The following AFF1 variants were observed in gnomAD, a reference collection of about 807,000 sequenced individuals.
AFF1 encodes the protein ALF transcription elongation factor 1.
A neutral mutation model predicts 121.7 loss-of-function variants in AFF1; 48 were observed. That is an observed-to-expected ratio of 0.39 (90% CI 0.31 to 0.50). The LOEUF is 0.50. AFF1 is among the 20% of genes least tolerant of loss of function. AFF1 has a pLI of 0.76. For missense variants in AFF1, 1,523 were observed against 1,511.7 expected, an observed-to-expected ratio of 1.01 and a Z score of -0.12; for synonymous variants, 613 against 563.0, an observed-to-expected ratio of 1.09 and a Z score of -1.26.
intron 2 of AFF1, among the ~76,000 whole-genome samples, chr4:87,037,181 T>C (rs907792032): frequency 2.6e-5 from 4 of 152,234 alleles, no homozygotes; most frequent in African/African-American, 9.6e-5. Flanking sequence ...TTTTAGTTTT[T>C]AATCAGAACT....
At chr4:87,045,304 T>C (rs1730563574) in intron 2 of AFF1, among the ~76,000 whole-genome samples, 1 of 152,206 alleles carries the variant, frequency 6.6e-6, no homozygotes. Flanking sequence ...TTTATAGTTC[T>C]TATTTCACTT....
Position 87,114,668 on chromosome 4 carries a change from C to A in AFF1, c.1835C>A (p.Pro612His). 6.2e-7 allele frequency: 1 copy of A among 1,613,502 alleles called. No individual in the cohort carries two copies. The highest frequency in any genetic ancestry group is 8.5e-7 in the Non-Finnish European group (1 of 1,179,894). Reference sequence around the variant, plus strand: ...AGGCAAACCGTTGGAACCAAACAACCCAAAAAACCTGTCAAGGCCTCTGCC... The same window carrying A: ...AGGCAAACCGTTGGAACCAAACAACACAAAAAACCTGTCAAGGCCTCTGCC... Reference protein sequence around the residue: ...PQRQTVGTKQPKKPVKASARA... With the variant: ...PQRQTVGTKQHKKPVKASARA... Residue 612 changes from proline to histidine, a missense_variant, in exon 12 of 21, where the codon CCC becomes CAC. Transcript: ENST00000395146.
At chr4:87,007,067 G>A (rs1488480064) in intron 2 of AFF1, 3 of 1,208,328 alleles carry the variant, frequency 2.5e-6, no homozygotes, top group Non-Finnish European at 3.1e-6. Flanking sequence ...GTCTTCGAGC[G>A]TGGGGGCCCG....
chr4:87,118,776 C>G (rs1323986469), intron 12 of AFF1, among the ~76,000 whole-genome samples: 1 of 152,204 alleles, frequency 6.6e-6, no homozygotes, highest in African/African-American at 2.4e-5. Context: ...GGGTAGTTGT[C>G]TAGCTCCTTG....
chr4:87,007,081 G>A, intron 2 of AFF1: 1 of 1,232,772 alleles, frequency 8.1e-7, no homozygotes, highest in Non-Finnish European at 1.0e-6. Flanking sequence ...GGGCCCGCTG[G>A]CTTTCCCTTC....
At chr4:86,966,253 G>C (rs1377636585) in intron 2 of AFF1, among the ~76,000 whole-genome samples, 1 of 151,982 alleles carries the variant, frequency 6.6e-6, no homozygotes, top group Admixed American at 6.6e-5. Context: ...GATATATATT[G>C]AATTTTGTGT....
chr4:87,131,366 G>A, intron 17 of AFF1, 147 bp downstream of exon 17: 1 of 1,087,620 alleles, frequency 9.2e-7, no homozygotes, highest in Non-Finnish European at 1.3e-6. Flanking sequence ...TGTTTGTCCT[G>A]AAGTTGCGTT....
chr4:86,953,340 A>G (rs1721509120), intron 2 of AFF1, among the ~76,000 whole-genome samples: 1 of 152,228 alleles, frequency 6.6e-6, no homozygotes, highest in Non-Finnish European at 1.5e-5. Flanking sequence ...AAAAAACATT[A>G]AATTCATGTG....
intron 5 of AFF1, among the ~76,000 whole-genome samples, chr4:87,085,464 G>T (rs1195785365): frequency 6.6e-6 from 1 of 150,680 alleles, no homozygotes; most frequent in African/African-American, 2.4e-5. Context: ...TTAGTAGAGA[G>T]ATGTATATAA....
At chr4:86,944,142 A>T (rs1256765327) in intron 1 of AFF1, among the ~76,000 whole-genome samples, 17 of 53,990 alleles carry the variant, frequency 3.1e-4, no homozygotes, top group Admixed American at 8.2e-4. Flanking sequence ...AGACCCTGTA[A>T]AAAAAAAAAA....
intron 2 of AFF1, among the ~76,000 whole-genome samples, chr4:87,019,579 A>C (rs1036008596): frequency 6.6e-6 from 1 of 152,296 alleles, no homozygotes; most frequent in Admixed American, 6.5e-5. Flanking sequence ...TCTTCATAAA[A>C]GGCCCAAGAG....
intron 2 of AFF1, among the ~76,000 whole-genome samples, chr4:87,006,228 A>G (rs545043990): frequency 1.3e-5 from 2 of 151,522 alleles, no homozygotes; most frequent in East Asian, 3.9e-4. Flanking sequence ...GTATTCATCT[A>G]AGAGTCTTCA....
Position 87,136,162 on chromosome 4 carries a change from AT to A in AFF1, c.*469del. On this transcript the variant is annotated 3_prime_UTR_variant, in exon 21 of 21. Transcript: ENST00000395146. ...CTTTTGGTAAAGGGTTTTGTGGATG[AT>A]TTTTTTTCTTTTGAGTTTTGGGAGA... is the stretch of plus-strand genomic sequence containing the variant. The A allele has an allele frequency of 8.6e-6, 2 of 231,708 alleles. No homozygotes were observed. The highest frequency in any genetic ancestry group is 1.7e-5 in the Non-Finnish European group (2 of 117,504). The allele number at this position is 231,708 out of a possible 1,614,324, so 14.4% of individuals were successfully genotyped here.
At position 87,137,666 on chromosome 4, in the gene AFF1, T is replaced by C. The variant is rs1277203069; in HGVS notation, c.*1965T>C. 1 of 232,582 alleles carries C rather than the reference T, an allele frequency of 4.3e-6. No individual in the cohort carries two copies. The highest frequency in any genetic ancestry group is 8.5e-6 in the Non-Finnish European group (1 of 117,678). 14.4% of individuals were successfully genotyped at this position (232,582 alleles called of 1,614,324 possible). A position where few individuals can be genotyped will look rare whatever the true frequency, so the allele number is the denominator to read the frequency against. On this transcript the variant is annotated 3_prime_UTR_variant, in exon 21 of 21. Transcript: ENST00000395146. ...ACTAGTTTTAAAAACCTGTGTTAAA[T>C]GAACAGTAATTGCCTGGTAGGTTTG...
In AFF1 at chr4:87,065,226, C is replaced by T. The variant is rs551041841; in HGVS notation, c.1059+17632C>T. Among the ~76,000 whole-genome samples the T allele has an allele frequency of 1.3e-4, 20 of 152,266 alleles. 1 individual carries two copies. Among genetic ancestry groups the T allele is most frequent in the African/African-American group, 4.3e-4 (18 of 41,540 alleles). ...ATGCGGAAGGCAAGGAGGAGCAGGT[C>T]ACGTCTACGTGAGTGGCGGCAAAGA... On this transcript the variant is annotated intron_variant, in intron 4 of 20. Coordinates refer to ENST00000395146, the MANE Select transcript of AFF1 (RefSeq NM_001166693.3).
rs564160830 is a variant in AFF1 at position 87,118,594 on chromosome 4, A to G, written c.2466+3295A>G. Among the ~76,000 whole-genome samples, 10 of 151,922 alleles carry G rather than the reference A, an allele frequency of 6.6e-5. No homozygotes were observed. The South Asian group carries it at 1.9e-3, about 29-fold the overall frequency. ...CAGTGGCATAGCTCACCAACCTCAA[A>G]CTCCTGGGCTCAGGTGACCCTCCTG... On this transcript the variant is annotated intron_variant, in intron 12 of 20. Transcript: ENST00000395146.
intron 18 of AFF1, 114 bp from the exon 19 acceptor site, chr4:87,132,157 T>C (rs1728889959): frequency 8.2e-7 from 1 of 1,217,044 alleles, no homozygotes; most frequent in South Asian, 1.6e-5. Context: ...CTTTACATAC[T>C]AACTCACACA....
chr4:87,000,033 C>T (rs1014364342), intron 2 of AFF1, among the ~76,000 whole-genome samples: 3 of 152,230 alleles, frequency 2.0e-5, no homozygotes, highest in Admixed American at 1.3e-4. Flanking sequence ...AAGGGGCTCC[C>T]AGTGGCCAAG....
rs1173485857 is a variant in AFF1 at position 87,140,721 on chromosome 4, C to G, written c.*5020C>G. ...GCTCTCAATGGGAAGATGTGCAACA[C>G]AAATTAAGGGGAACTCCATGTATTT... is the stretch of plus-strand genomic sequence containing the variant. On this transcript the variant is annotated 3_prime_UTR_variant, in exon 21 of 21. Transcript: ENST00000395146. 5.2e-6 allele frequency: 1 copy of G among 190,830 alleles called. No homozygotes were observed. The highest frequency in any genetic ancestry group is 1.1e-5 in the Non-Finnish European group (1 of 90,856). The allele number at this position is 190,830 out of a possible 1,614,324, so 11.8% of individuals were successfully genotyped here. A position where few individuals can be genotyped will look rare whatever the true frequency, so the allele number is the denominator to read the frequency against.
Sources: gnomAD v4.1 joint callset for allele counts (sites outside exome capture counted in the v4.1 genomes callset) on GRCh38, gnomAD v4.1.1 for gene constraint, MANE v1.5 for transcripts, NCBI Gene and HGNC (gene_info 2026-07-23, HGNC 2026-07-21) for gene names.